COPZ2: variants seen among roughly 807,000 people sequenced by gnomAD.
COPZ2 encodes coat protein complex I subunit zeta 2.
A neutral mutation model predicts 33.2 loss-of-function variants in COPZ2; 30 were observed. The observed-to-expected ratio is 0.90, with a 90% confidence interval of 0.68 to 1.23. The LOEUF (loss-of-function observed/expected upper bound fraction) is 1.23, where lower values mean the gene tolerates loss of function less well. Ranked by LOEUF, COPZ2 falls within the 50% of genes most tolerant of loss-of-function variation. The pLI is 0.00. For missense variants in COPZ2, 263 were observed against 262.4 expected, an observed-to-expected ratio of 1.00 and a Z score of -0.02; for synonymous variants, 89 against 102.6, an observed-to-expected ratio of 0.87 and a Z score of 0.80.
At position 48,037,070 on chromosome 17, in the gene COPZ2, G is replaced by A; in HGVS notation, c.112-145C>T. 1.2e-6 allele frequency: 1 copy of A among 801,168 alleles called. No homozygotes were observed. Among genetic ancestry groups the A allele is most frequent in the Non-Finnish European group, 2.2e-6 (1 of 448,456 alleles). 49.6% of individuals were successfully genotyped at this position (801,168 alleles called of 1,614,324 possible). A position where few individuals can be genotyped will look rare whatever the true frequency, so the allele number is the denominator to read the frequency against. ...CACAGCTGGTTCTGCCCAGCCCTGT[G>A]CCACATGGGCCAACCCAGGTGCCCA... On this transcript the variant is annotated intron_variant, in intron 1 of 8. Coordinates refer to ENST00000621465, the MANE Select transcript of COPZ2 (RefSeq NM_016429.4). The surrounding 1 kb of genome is among the most constrained non-coding windows in gnomAD (Gnocchi z 5.6).
Position 48,037,760 on chromosome 17 carries a change from G to C in COPZ2, c.18C>G (p.Ala6=). MQRPE[A]WPRPHPGEGA... Reference sequence around the variant, plus strand: ...CCTCCCCCGGGTGCGGACGTGGCCAGGCCTCGGGCCGCTGCATTCCGCTCG... The same window carrying C: ...CCTCCCCCGGGTGCGGACGTGGCCACGCCTCGGGCCGCTGCATTCCGCTCG... Residue 6 remains alanine, a synonymous_variant, in exon 1 of 9, where the codon GCC becomes GCG. Transcript: ENST00000621465. The surrounding 1 kb of genome is among the most constrained non-coding windows in gnomAD (Gnocchi z 5.6). 1.9e-6 allele frequency: 2 copies of C among 1,031,350 alleles called. No homozygotes were observed. The highest frequency in any genetic ancestry group is 2.3e-6 in the Non-Finnish European group (2 of 863,326). 63.9% of individuals were successfully genotyped at this position (1,031,350 alleles called of 1,614,324 possible). A position where few individuals can be genotyped will look rare whatever the true frequency, so the allele number is the denominator to read the frequency against.
chr17:48,027,759 A>G (rs1055255392), intron 8 of COPZ2: 6 of 152,390 alleles, frequency 3.9e-5, no homozygotes, highest in African/African-American at 9.7e-5. Flanking sequence ...GGGAAGTTCC[A>G]TACAAGCAGG....
chr17:48,039,470 C>CA (rs554792080), upstream of COPZ2, among the ~76,000 whole-genome samples: 17,181 of 103,032 alleles, frequency 0.17, 1,415 homozygotes, highest in African/African-American at 0.29. Flanking sequence ...GAATCTGTTT[C>CA]AAAAAAAAAA....
chr17:48,046,612 A>G, the COPZ2 span: 1 of 152,206 alleles, frequency 6.6e-6, no homozygotes, highest in Non-Finnish European at 1.5e-5. Context: ...ATTTATTTTT[A>G]GAGTTGATGG....
chr17:48,028,596 T>C lies in COPZ2; in HGVS notation c.547-86A>G. 7.9e-7 allele frequency: 1 copy of C among 1,266,732 alleles called. No homozygotes were observed. The highest frequency in any genetic ancestry group is 1.3e-5 in the South Asian group (1 of 76,222). 78.5% of individuals were successfully genotyped at this position (1,266,732 alleles called of 1,614,324 possible). A position where few individuals can be genotyped will look rare whatever the true frequency, so the allele number is the denominator to read the frequency against. On this transcript the variant is annotated intron_variant, in intron 7 of 8. Transcript: ENST00000621465. The surrounding 1 kb of genome is among the most constrained non-coding windows in gnomAD (Gnocchi z 4.5). ...GGTGAAGGAAAGGGGCTTGGGGGTA[T>C]GGGTGAGGTGGTGCAGTGGTTAGGG... is the stretch of plus-strand genomic sequence containing the variant.
rs376580006 is a variant in COPZ2 at position 48,032,194 on chromosome 17, G to A, written c.456C>T (p.Asp152=). 2.8e-5 allele frequency: 45 copies of A among 1,613,374 alleles called. No individual in the cohort carries two copies. In the African/African-American group the frequency reaches 4.0e-4, roughly 14 times the overall value. The part of the protein sequence containing the change: ...VEKRWLLENM[D]GAFLVLDEIV... Reference sequence around the variant, plus strand: ...TCTCGTCCAGCACCAAGAAGGCTCCGTCCATGTTCTCCAGCAACCAGCGCT... The same window carrying A: ...TCTCGTCCAGCACCAAGAAGGCTCCATCCATGTTCTCCAGCAACCAGCGCT... The change falls in exon 6 of 9, where the codon GAC becomes GAT. Residue 152 remains aspartate (D), a synonymous_variant. Transcript: ENST00000621465.
Position 48,033,891 on chromosome 17 carries a change from A to AT in COPZ2, c.239dup (p.Asn80LysfsTer10). 1 of 1,611,764 alleles carries AT rather than the reference A, an allele frequency of 6.2e-7. No individual in the cohort carries two copies. Among genetic ancestry groups the AT allele is most frequent in the East Asian group, 2.2e-5 (1 of 44,852 alleles). Reference sequence around the variant, plus strand: ...CAGTCCGGCTGGTCTTGTTGAAGACATTTTTCTCGAAAACCATCTGCTCCT... The same window carrying AT: ...CAGTCCGGCTGGTCTTGTTGAAGACATTTTTTCTCGAAAACCATCTGCTCCT... On this transcript the variant is annotated frameshift_variant, in exon 3 of 9. Transcript: ENST00000621465. LOFTEE classifies it high-confidence loss of function.
rs2036817928 is a variant in COPZ2, at chr17:48,026,445, AT to A, written c.615del (p.Lys205AsnfsTer5). The A allele has an allele frequency of 6.2e-7, 1 of 1,611,616 alleles. No individual in the cohort carries two copies. The highest frequency in any genetic ancestry group is 8.5e-7 in the Non-Finnish European group (1 of 1,177,820). ...QVLQSAKEQI[K>X]WSLLK ...CACAGCCTTCATTTCAATAACGACC[AT>A]TTAATTTGTTCCTTGGCAGACTGAA... On this transcript the variant is annotated frameshift_variant, in exon 9 of 9. Transcript: ENST00000621465. LOFTEE classifies it high-confidence loss of function.
upstream of COPZ2, among the ~76,000 whole-genome samples, chr17:48,040,467 T>G (rs2037051002): frequency 6.8e-6 from 1 of 147,804 alleles, no homozygotes; most frequent in African/African-American, 2.5e-5. Context: ...GGAGTCTTGC[T>G]CCGTCACCAG....
intron 2 of COPZ2, among the ~76,000 whole-genome samples, chr17:48,035,311 C>T (rs2036962502): frequency 6.6e-6 from 1 of 152,212 alleles, no homozygotes; most frequent in East Asian, 1.9e-4. Context: ...AATACTCAAT[C>T]CGCAGGCAGA....
Position 48,028,590 on chromosome 17 carries a change from G to C in COPZ2, c.547-80C>G. ...CAGGGAGGTGAAGGAAAGGGGCTTGGGGGTATGGGTGAGGTGGTGCAGTGG... is the reference window on the plus strand; with the variant it reads ...CAGGGAGGTGAAGGAAAGGGGCTTGCGGGTATGGGTGAGGTGGTGCAGTGG... On this transcript the variant is annotated intron_variant, in intron 7 of 8. Transcript: ENST00000621465. This position sits in a 1 kb window ranked among gnomAD's most constrained non-coding sequence, Gnocchi z 4.5. The C allele has an allele frequency of 1.4e-6, 2 of 1,379,730 alleles. No homozygotes were observed. Among genetic ancestry groups the C allele is most frequent in the African/African-American group, 1.4e-5 (1 of 70,116 alleles). 85.5% of individuals were successfully genotyped at this position (1,379,730 alleles called of 1,614,324 possible).
upstream of COPZ2, among the ~76,000 whole-genome samples, chr17:48,041,600 T>C (rs781218322): frequency 5.3e-5 from 8 of 152,188 alleles, no homozygotes; most frequent in Non-Finnish European, 8.8e-5. Flanking sequence ...CATCTGAACC[T>C]TTCTTGCAGG....
chr17:48,044,717 G>A, the COPZ2 span, among the ~76,000 whole-genome samples: 5 of 152,142 alleles, frequency 3.3e-5, no homozygotes, highest in Admixed American at 6.5e-5. Flanking sequence ...ATGGTAACAA[G>A]CTTGCTGATG....
chr17:48,036,832 G>A lies in COPZ2; in HGVS notation c.186+19C>T. 1 of 1,610,948 alleles carries A rather than the reference G, an allele frequency of 6.2e-7. No homozygotes were observed. Among genetic ancestry groups the A allele is most frequent in the Non-Finnish European group, 8.5e-7 (1 of 1,177,328 alleles). ...GCTGAGTGGGAACTGTGTCCCTCATGGGTGGGGTCAGAGGTTACCTTGGCC... is the reference window on the plus strand; with the variant it reads ...GCTGAGTGGGAACTGTGTCCCTCATAGGTGGGGTCAGAGGTTACCTTGGCC... On this transcript the variant is annotated intron_variant, in intron 2 of 8. Transcript: ENST00000621465.
At chr17:48,043,796 G>C in the COPZ2 span, among the ~76,000 whole-genome samples, 1 of 152,274 alleles carries the variant, frequency 6.6e-6, no homozygotes, top group East Asian at 1.9e-4. Flanking sequence ...AAGAAACAGA[G>C]CCAGATTTTC....
chr17:48,037,825 G>A, upstream of COPZ2: 1 of 931,980 alleles, frequency 1.1e-6, no homozygotes, highest in Non-Finnish European at 1.2e-6. This position sits in a 1 kb window ranked among gnomAD's most constrained non-coding sequence, Gnocchi z 5.6. Context: ...CCTGCCCGCC[G>A]CCGCCGCCCC....
chr17:48,037,679 G>A lies in COPZ2; in HGVS notation c.99C>T (p.Pro33=), dbSNP rs372375586. 1.8e-6 allele frequency: 2 copies of A among 1,104,778 alleles called. No homozygotes were observed. Among genetic ancestry groups the A allele is most frequent in the East Asian group, 5.5e-5 (1 of 18,078 alleles). The allele number at this position is 1,104,778 out of a possible 1,614,324, so 68.4% of individuals were successfully genotyped here. Residue 33 remains proline, a synonymous_variant, in exon 1 of 9, where the codon CCC becomes CCT. Coordinates refer to ENST00000621465, the MANE Select transcript of COPZ2 (RefSeq NM_016429.4). The surrounding 1 kb of genome is among the most constrained non-coding windows in gnomAD (Gnocchi z 5.6). ...GPAPPARAGE[P]SGLRLQEPSL... ...GCCCGCTCCGTACCCGCAGCCCCGA[G>A]GGCTCCCCGGCTCGAGCAGGCGGCG...
the COPZ2 span, chr17:48,046,151 T>G: frequency 1.4e-4 from 21 of 152,228 alleles, no homozygotes; most frequent in African/African-American, 4.6e-4. Flanking sequence ...AGCAGGAAAC[T>G]CCACAGATAA....
In COPZ2 at chr17:48,028,638, C is replaced by T. The variant is rs1598256731; in HGVS notation, c.547-128G>A. On this transcript the variant is annotated intron_variant, in intron 7 of 8. Transcript: ENST00000621465. This position sits in a 1 kb window ranked among gnomAD's most constrained non-coding sequence, Gnocchi z 4.5. Reference sequence around the variant, plus strand: ...TGGTTAGGGTGATTCAGAGCTGCACCTGTGTCACTGGTTAATAGAAGTCCT... The same window carrying T: ...TGGTTAGGGTGATTCAGAGCTGCACTTGTGTCACTGGTTAATAGAAGTCCT... 1 of 789,748 alleles carries T rather than the reference C, an allele frequency of 1.3e-6. No individual in the cohort carries two copies. Among genetic ancestry groups the T allele is most frequent in the Non-Finnish European group, 2.0e-6 (1 of 491,982 alleles). 48.9% of individuals were successfully genotyped at this position (789,748 alleles called of 1,614,324 possible).
Sources: allele counts gnomAD v4.1 joint callset (sites outside exome capture counted in the v4.1 genomes callset), GRCh38; gene constraint gnomAD v4.1.1; non-coding constraint Gnocchi (gnomAD v3.1); transcripts MANE v1.5; gene names NCBI Gene and HGNC (gene_info 2026-07-23, HGNC 2026-07-21).